The following SRGAP2 variants were observed in gnomAD, a reference collection of about 807,000 sequenced individuals.
The protein encoded by SRGAP2 is SLIT-ROBO Rho GTPase-activating protein 2.
A neutral mutation model predicts 57.2 loss-of-function variants in SRGAP2; 15 were observed. The ratio of observed to expected loss-of-function variants is 0.26; its 90% CI spans 0.18 to 0.40. SRGAP2 has a LOEUF of 0.40. SRGAP2 is among the 10% of genes least tolerant of loss of function. The pLI, the probability that SRGAP2 is intolerant of heterozygous loss-of-function variation, is 1.00. For missense variants in SRGAP2, 520 were observed against 669.6 expected (o/e 0.78, Z 2.47); for synonymous variants, 249 against 248.0 (o/e 1.00, Z -0.04).
chr1:206,447,585 G>T (rs1291292419), intron 18 of SRGAP2, among the ~76,000 whole-genome samples: 1 of 152,174 alleles, frequency 6.6e-6, no homozygotes, highest in Non-Finnish European at 1.5e-5. Flanking sequence ...GACTGGGGAG[G>T]TTGTTGGTCA....
intron 11 of SRGAP2, among the ~76,000 whole-genome samples, chr1:206,419,000 G>T (rs1274695921): frequency 6.7e-6 from 1 of 149,706 alleles, no homozygotes; most frequent in African/African-American, 2.4e-5. Flanking sequence ...CATAAGAGAA[G>T]CTGAATTTCA....
intron 14 of SRGAP2, among the ~76,000 whole-genome samples, chr1:206,431,989 T>C (rs1163469216): frequency 6.6e-6 from 1 of 152,246 alleles, no homozygotes; most frequent in South Asian, 2.1e-4. Context: ...GAAGCCAGAC[T>C]CTTAGGGCCT....
intron 18 of SRGAP2, among the ~76,000 whole-genome samples, chr1:206,449,084 C>A (rs1553374853): frequency 6.6e-6 from 1 of 152,142 alleles, no homozygotes; most frequent in East Asian, 1.9e-4. Flanking sequence ...TGCTTTCACA[C>A]AACTGCCTGG....
chr1:206,214,792 C>CAAAAA (rs1236448078), intron 2 of SRGAP2: 1 of 83,312 alleles, frequency 1.2e-5, no homozygotes, highest in Admixed American at 1.4e-4. Context: ...AACTCCATCT[C>CAAAAA]AAAAAAAAAA....
chr1:206,309,725 G>A (rs1378514851), intron 3 of SRGAP2, among the ~76,000 whole-genome samples: 4 of 151,862 alleles, frequency 2.6e-5, no homozygotes, highest in Admixed American at 2.6e-4. Flanking sequence ...AGGCCATCAG[G>A]TATCCAGGTG....
At chr1:206,444,330 C>T (rs1232707410) in intron 17 of SRGAP2, among the ~76,000 whole-genome samples, 2 of 152,212 alleles carry the variant, frequency 1.3e-5, no homozygotes, top group Non-Finnish European at 2.9e-5. Flanking sequence ...GATGTGTCCT[C>T]TTCAAGCTCC....
intron 2 of SRGAP2, among the ~76,000 whole-genome samples, chr1:206,229,048 TC>T (rs1667458665): frequency 1.3e-5 from 2 of 151,470 alleles, no homozygotes; most frequent in South Asian, 4.2e-4. Flanking sequence ...TTTCGTCCTG[TC>T]CTCAGTAAGC....
intron 19 of SRGAP2, 138 bp downstream of exon 19, chr1:206,450,603 C>A (rs1663183468): frequency 3.3e-6 from 2 of 614,336 alleles, no homozygotes; most frequent in Non-Finnish European, 2.9e-6. Context: ...GTCTCAATTT[C>A]ATTCCCTTCC....
chr1:206,394,786 A>G (rs1334447246), intron 7 of SRGAP2, among the ~76,000 whole-genome samples: 2 of 151,888 alleles, frequency 1.3e-5, no homozygotes, highest in East Asian at 3.9e-4. Flanking sequence ...GCTTCCCCTT[A>G]CAGTTGGGTC....
chr1:206,380,523 GA>G (rs1385627136), intron 4 of SRGAP2, among the ~76,000 whole-genome samples: 1 of 134,748 alleles, frequency 7.4e-6, no homozygotes, highest in African/African-American at 3.0e-5. Flanking sequence ...ACATTTAAGA[GA>G]AAAACTTTGT....
At chr1:206,444,303 A>C (rs1045328317) in intron 17 of SRGAP2, among the ~76,000 whole-genome samples, 3 of 152,228 alleles carry the variant, frequency 2.0e-5, no homozygotes, top group African/African-American at 7.2e-5. Context: ...TAGAATCATG[A>C]GACCACAGTC....
At chr1:206,259,324 A>G (rs1347417333) in intron 2 of SRGAP2, among the ~76,000 whole-genome samples, 2 of 142,686 alleles carry the variant, frequency 1.4e-5, no homozygotes, top group African/African-American at 2.7e-5. Flanking sequence ...TAGGTGATTC[A>G]TATTTGCATT....
chr1:206,291,115 G>A (rs1284849564), intron 2 of SRGAP2, among the ~76,000 whole-genome samples: 1 of 151,540 alleles, frequency 6.6e-6, no homozygotes, highest in Non-Finnish European at 1.5e-5. Context: ...AACATTGCCA[G>A]CCTAGCACTA....
At chr1:206,413,756 A>G (rs1659423970) in intron 10 of SRGAP2, among the ~76,000 whole-genome samples, 1 of 152,158 alleles carries the variant, frequency 6.6e-6, no homozygotes, top group South Asian at 2.1e-4. Flanking sequence ...CTGACCATAG[A>G]GAGGAGGCAG....
chr1:206,456,770 GTGAGTCGGCCTT>G (rs1327067222), intron 21 of SRGAP2, among the ~76,000 whole-genome samples: 47 of 152,104 alleles, frequency 3.1e-4, no homozygotes, highest in Admixed American at 2.0e-4. Flanking sequence ...GCCCTTAGAA[GTGAGTCGGCCTT>G]TGAGTCTTAC....
At chr1:206,360,678 C>A (rs1337666594) in intron 4 of SRGAP2, among the ~76,000 whole-genome samples, 1 of 152,268 alleles carries the variant, frequency 6.6e-6, no homozygotes, top group East Asian at 1.9e-4. Context: ...GAAGATGACC[C>A]CAAGCATTCT....
At chr1:206,453,816 A>T (rs1663569275) in intron 20 of SRGAP2, 1 of 312,788 alleles carries the variant, frequency 3.2e-6, no homozygotes, top group Non-Finnish European at 5.8e-6. Flanking sequence ...TTCCACTTGC[A>T]AATTAAAATG....
chr1:206,432,193 T>C (rs192950328), intron 14 of SRGAP2, among the ~76,000 whole-genome samples: 17 of 152,296 alleles, frequency 1.1e-4, no homozygotes, highest in Non-Finnish European at 2.2e-4. Context: ...TGGTATTTGC[T>C]GAAAAGTGGG....
intron 3 of SRGAP2, among the ~76,000 whole-genome samples, chr1:206,319,270 G>T (rs1367002893): frequency 4.7e-5 from 7 of 147,536 alleles, no homozygotes; most frequent in Non-Finnish European, 8.8e-5. Flanking sequence ...AATTATCCGG[G>T]TGTGGTGGCG....
Sources: allele counts gnomAD v4.1 joint callset (sites outside exome capture counted in the v4.1 genomes callset), GRCh38; gene constraint gnomAD v4.1.1; transcripts MANE v1.5; gene names NCBI Gene and HGNC (gene_info 2026-07-23, HGNC 2026-07-21).